SSH2: variants seen among roughly 807,000 people sequenced by gnomAD.
The protein encoded by SSH2 is slingshot protein phosphatase 2, also known as protein phosphatase Slingshot homolog 2.
In SSH2, 37 loss-of-function variants were observed where a neutral mutation model predicts 135.2. The observed-to-expected ratio is 0.27, with a 90% CI of 0.21 to 0.36. SSH2 has a LOEUF of 0.36. Ranked by LOEUF, SSH2 falls within the 10% of genes least tolerant of loss-of-function variation. The pLI, the probability that SSH2 is intolerant of heterozygous loss-of-function variation, is 1.00. For synonymous variants in SSH2, 628 were observed against 646.2 expected (o/e 0.97, Z 0.43); for missense variants, 1,408 against 1,765.3 (o/e 0.80, Z 3.63).
chr17:29,696,605 A>G (rs1477042279), intron 4 of SSH2, among the ~76,000 whole-genome samples: 1 of 103,406 alleles, frequency 9.7e-6, no homozygotes, highest in East Asian at 4.6e-4. Flanking sequence ...TCTCAAAAAC[A>G]TATATACATA....
chr17:29,854,595 A>G (rs778715610), intron 1 of SSH2, among the ~76,000 whole-genome samples: 4 of 151,760 alleles, frequency 2.6e-5, no homozygotes, highest in Non-Finnish European at 4.4e-5. Context: ...GGTTTTCAAG[A>G]GTGTAAAATC....
intron 5 of SSH2, among the ~76,000 whole-genome samples, chr17:29,695,152 C>G (rs1186502094): frequency 6.6e-6 from 1 of 152,014 alleles, no homozygotes; most frequent in Non-Finnish European, 1.5e-5. Flanking sequence ...TCTACCAATC[C>G]AAATCTCATC....
intron 3 of SSH2, chr17:29,793,625 G>T: frequency 3.6e-6 from 1 of 276,198 alleles, no homozygotes; most frequent in Non-Finnish European, 6.8e-6. Context: ...TAAAGCATTC[G>T]CTCTTACTCT....
chr17:29,761,312 G>A (rs1298016269), intron 3 of SSH2: 1 of 1,241,168 alleles, frequency 8.1e-7, no homozygotes. Flanking sequence ...CCGCATCCTG[G>A]CCTCTGCTCT....
chr17:29,802,634 A>AAAAAG (rs1338636955), intron 2 of SSH2, among the ~76,000 whole-genome samples: 2 of 151,204 alleles, frequency 1.3e-5, no homozygotes, highest in African/African-American at 4.9e-5. Context: ...AAAAAAAAAA[A>AAAAAG]AAAAGAAAAG....
chr17:29,731,882 A>G (rs995230275), intron 3 of SSH2, among the ~76,000 whole-genome samples: 1 of 152,114 alleles, frequency 6.6e-6, no homozygotes, highest in Non-Finnish European at 1.5e-5. Flanking sequence ...CCTTGCTTCC[A>G]CTGGAAATTT....
At chr17:29,771,826 T>G (rs1417219223) in intron 3 of SSH2, among the ~76,000 whole-genome samples, 2 of 152,242 alleles carry the variant, frequency 1.3e-5, no homozygotes, top group Non-Finnish European at 2.9e-5. Flanking sequence ...ATTATCTCTC[T>G]AAGCCTTCGT....
intron 11 of SSH2, among the ~76,000 whole-genome samples, chr17:29,661,404 G>A (rs1261498967): frequency 3.9e-5 from 6 of 152,220 alleles, no homozygotes; most frequent in African/African-American, 1.4e-4. Context: ...TAAGTGTTGT[G>A]TAAGTACTAT....
At chr17:29,928,408 C>T (rs368871556) in intron 1 of SSH2, 3 of 397,226 alleles carry the variant, frequency 7.6e-6, no homozygotes, top group South Asian at 1.3e-4. Flanking sequence ...TTAGAAGTCC[C>T]CCACTGCAGG....
intron 12 of SSH2, 140 bp downstream of exon 12, chr17:29,655,420 CT>C (rs2036743320): frequency 1.2e-6 from 1 of 837,248 alleles, no homozygotes; most frequent in South Asian, 1.5e-5. Context: ...TTTTATTTTT[CT>C]TAGATTACAT....
rs185226633 is a variant in SSH2, at chr17:29,834,881, T to G, written c.144+13968A>C. ...GCTTCACTATATTACCATAGTTTAC[T>G]TAACCATTCCCTCCTCTCATTACTA... On this transcript the variant is annotated intron_variant, in intron 2 of 15. Transcript: ENST00000540801. 7.7e-4 allele frequency among the ~76,000 whole-genome samples: 118 copies of G among 152,338 alleles called. 1 individual carries two copies. Among genetic ancestry groups the G allele is most frequent in the Middle Eastern group, 6.8e-3 (2 of 294 alleles).
chr17:29,858,125 T>G (rs2065697084), intron 1 of SSH2, among the ~76,000 whole-genome samples: 1 of 152,236 alleles, frequency 6.6e-6, no homozygotes, highest in African/African-American at 2.4e-5. Flanking sequence ...CATTCATCTG[T>G]TAAGACATTC....
chr17:29,644,063 CCACTACAGAGA>C (rs1476931829), intron 14 of SSH2, among the ~76,000 whole-genome samples: 2 of 152,180 alleles, frequency 1.3e-5, no homozygotes, highest in Non-Finnish European at 2.9e-5. Context: ...TACCACTGAG[CCACTACAGAGA>C]CTACTTTTTT....
intron 3 of SSH2, among the ~76,000 whole-genome samples, chr17:29,770,631 C>T (rs2041562313): frequency 6.6e-6 from 1 of 151,948 alleles, no homozygotes; most frequent in Non-Finnish European, 1.5e-5. Flanking sequence ...CACCACCACG[C>T]CCAGGTAATT....
At chr17:29,820,659 C>G (rs903980164) in intron 2 of SSH2, among the ~76,000 whole-genome samples, 7 of 152,182 alleles carry the variant, frequency 4.6e-5, no homozygotes, top group African/African-American at 1.4e-4. Context: ...TCCTTTCATT[C>G]CTCATCATCT....
At chr17:29,895,196 T>C (rs1247991491) in intron 1 of SSH2, among the ~76,000 whole-genome samples, 2 of 144,184 alleles carry the variant, frequency 1.4e-5, no homozygotes, top group Non-Finnish European at 3.0e-5. Flanking sequence ...TTTATATACA[T>C]TATATTATAT....
At chr17:29,874,514 G>A (rs552315653) in intron 1 of SSH2, among the ~76,000 whole-genome samples, 6 of 152,228 alleles carry the variant, frequency 3.9e-5, no homozygotes, top group East Asian at 3.9e-4. Context: ...ATGATAGTGA[G>A]TGAGTTCTCA....
chr17:29,812,106 G>C (rs1360621435), intron 2 of SSH2, among the ~76,000 whole-genome samples: 1 of 149,498 alleles, frequency 6.7e-6, no homozygotes, highest in Admixed American at 6.7e-5. Flanking sequence ...TGAACCTTTT[G>C]AAACAGGGAC....
intron 4 of SSH2, among the ~76,000 whole-genome samples, chr17:29,700,450 C>T (rs1225944708): frequency 1.3e-5 from 2 of 152,200 alleles, no homozygotes; most frequent in Non-Finnish European, 2.9e-5. Context: ...CTCATCATCA[C>T]AGGTGTTCCT....
Sources: gnomAD v4.1 joint callset for allele counts (sites outside exome capture counted in the v4.1 genomes callset) on GRCh38, gnomAD v4.1.1 for gene constraint, MANE v1.5 for transcripts, NCBI Gene and HGNC (gene_info 2026-07-23, HGNC 2026-07-21) for gene names.